SLC7A2: variants seen among roughly 807,000 people sequenced by gnomAD.
The protein encoded by SLC7A2 is cationic amino acid transporter 2.
Under a neutral mutation model 58.9 loss-of-function variants are expected in SLC7A2, and 48 were observed. The observed-to-expected ratio is 0.82, with a 90% CI of 0.65 to 1.04. SLC7A2 has a LOEUF of 1.04. SLC7A2 is among the 50% of genes least tolerant of loss of function. SLC7A2 has a pLI of 0.00. For missense variants in SLC7A2, 1,029 were observed against 818.8 expected (o/e 1.26, Z -3.13); for synonymous variants, 363 against 314.5 (o/e 1.15, Z -1.63).
At chr8:17,496,209 C>T (rs1295286635), upstream of SLC7A2, among the ~76,000 whole-genome samples, 1 of 152,104 alleles carries the variant, frequency 6.6e-6, no homozygotes, top group East Asian at 1.9e-4. Context: ...TAGTTGTCAG[C>T]ACTTTGGGAG....
At chr8:17,511,692 C>T (rs11992105) in intron 2 of SLC7A2, among the ~76,000 whole-genome samples, 5,792 of 152,244 alleles carry the variant, frequency 0.038, 378 homozygotes, top group African/African-American at 0.13. Context: ...CTGAAGGTGA[C>T]GTTTTTCAAG....
chr8:17,501,094 A>G (rs564521637), intron 1 of SLC7A2, among the ~76,000 whole-genome samples: 1 of 151,688 alleles, frequency 6.6e-6, no homozygotes, highest in Admixed American at 6.6e-5. Flanking sequence ...GCTCACTGCA[A>G]CTTTCACCTC....
At chr8:17,542,861 C>T (rs1801974311) in intron 2 of SLC7A2, among the ~76,000 whole-genome samples, 1 of 152,054 alleles carries the variant, frequency 6.6e-6, no homozygotes, top group Admixed American at 6.6e-5. Context: ...ACTCCGGAGG[C>T]TGAGGTGGGA....
At chr8:17,510,227 AC>A (rs1371354554) in intron 2 of SLC7A2, among the ~76,000 whole-genome samples, 1 of 133,004 alleles carries the variant, frequency 7.5e-6, no homozygotes, top group Non-Finnish European at 1.7e-5. Flanking sequence ...CTCAAAATAA[AC>A]AAATAATAAT....
At position 17,541,154 on chromosome 8, in the gene SLC7A2, A is replaced by C. The variant is rs564910083; in HGVS notation, c.-22-2164A>C. 2.0e-5 allele frequency among the ~76,000 whole-genome samples: 3 copies of C among 152,292 alleles called. No individual in the cohort carries two copies. The South Asian group carries it at 6.2e-4, about 32-fold the overall frequency. On this transcript the variant is annotated intron_variant, in intron 2 of 12. Coordinates refer to ENST00000494857, the MANE Select transcript of SLC7A2 (RefSeq NM_001370338.1). The stretch of plus-strand genomic sequence containing the variant: ...TGATCTTTGTACATCTCTGTATAAA[A>C]ATGCTTAAATATTACAGAAGCTCAG...
intron 9 of SLC7A2, among the ~76,000 whole-genome samples, 198 bp downstream of exon 9, chr8:17,558,595 G>A (rs773983604): frequency 3.3e-5 from 5 of 152,194 alleles, no homozygotes; most frequent in African/African-American, 7.2e-5. Context: ...TTGACCATGA[G>A]TGATAGGTTG....
chr8:17,513,037 A>G (rs1306279595), intron 2 of SLC7A2, among the ~76,000 whole-genome samples: 1 of 152,184 alleles, frequency 6.6e-6, no homozygotes, highest in African/African-American at 2.4e-5. Flanking sequence ...CCATTTCTCC[A>G]TGATAGACAC....
intron 2 of SLC7A2, among the ~76,000 whole-genome samples, chr8:17,503,856 G>T (rs1800264558): frequency 6.6e-6 from 1 of 152,162 alleles, no homozygotes; most frequent in East Asian, 1.9e-4. Flanking sequence ...TAATTCAGTT[G>T]TGATTTAAGC....
At chr8:17,496,794 T>G (rs1356152999), upstream of SLC7A2, among the ~76,000 whole-genome samples, 1 of 152,180 alleles carries the variant, frequency 6.6e-6, no homozygotes, top group African/African-American at 2.4e-5. Context: ...CCTTGAGGTT[T>G]GGTCCTCCCA....
chr8:17,544,521 T>TG lies in SLC7A2; in HGVS notation c.447_448insG (p.Leu150ValfsTer43). The TG allele has an allele frequency of 6.2e-7, 1 of 1,614,090 alleles. No individual in the cohort carries two copies. The highest frequency in any genetic ancestry group is 1.7e-5 in the Admixed American group (1 of 60,024). On this transcript the variant is annotated frameshift_variant, in exon 4 of 13. Coordinates refer to ENST00000494857, the MANE Select transcript of SLC7A2 (RefSeq NM_001370338.1). LOFTEE classifies it high-confidence loss of function. The stretch of plus-strand genomic sequence containing the variant: ...TTCTTAGCAAACAGATTGGTCAGTT[T>TG]TTGAGGACATACTTCAGAATGAATT...
intron 8 of SLC7A2, 82 bp downstream of exon 8, chr8:17,554,781 TTTTC>T: frequency 6.8e-7 from 1 of 1,472,192 alleles, no homozygotes; most frequent in South Asian, 1.4e-5. Flanking sequence ...AGCTAGGTGG[TTTTC>T]TTTTTTGATT....
At chr8:17,542,736 TC>T in intron 2 of SLC7A2, among the ~76,000 whole-genome samples, 1 of 152,154 alleles carries the variant, frequency 6.6e-6, no homozygotes, top group Non-Finnish European at 1.5e-5. Context: ...TTCACTCCTT[TC>T]CTTGTAGTGA....
rs550304959 is a variant in SLC7A2, at chr8:17,544,089, C to T, written c.377-362C>T. Among the ~76,000 whole-genome samples, 26 of 152,230 alleles carry T rather than the reference C, an allele frequency of 1.7e-4. 1 individual carries two copies. The East Asian group carries it at 3.5e-3, about 20-fold the overall frequency. Reference sequence around the variant, plus strand: ...TTCACCATGTTGACCAAGCTGGTCTCGAACTCCTGACCTCAGGTGATCCAC... The same window carrying T: ...TTCACCATGTTGACCAAGCTGGTCTTGAACTCCTGACCTCAGGTGATCCAC... On this transcript the variant is annotated intron_variant, in intron 3 of 12. Coordinates refer to ENST00000494857, the MANE Select transcript of SLC7A2 (RefSeq NM_001370338.1).
Position 17,562,103 on chromosome 8 carries a change from C to G in SLC7A2, c.1664C>G (p.Ala555Gly). The G allele has an allele frequency of 6.2e-7, 1 of 1,608,912 alleles. No homozygotes were observed. Among genetic ancestry groups the G allele is most frequent in the African/African-American group, 1.3e-5 (1 of 74,282 alleles). ...CAGCCCCAGAATCAGCAAAAAGTAG[C>G]CTTCATGGTATGTGTAATGAGGATT... is the stretch of plus-strand genomic sequence containing the variant. ...WRQPQNQQKV[A>G]FMVPFLPFLP... The change falls in exon 11 of 13, where the codon GCC (alanine) becomes GGC (glycine). Residue 555 changes from alanine to glycine, a missense_variant. Transcript: ENST00000494857.
At chr8:17,516,449 C>G (rs1800808059) in intron 2 of SLC7A2, among the ~76,000 whole-genome samples, 3 of 152,142 alleles carry the variant, frequency 2.0e-5, no homozygotes, top group Non-Finnish European at 4.4e-5. Flanking sequence ...TTGTCAAGCT[C>G]CTGACCTCAG....
chr8:17,506,417 T>C (rs1800365581), intron 2 of SLC7A2, among the ~76,000 whole-genome samples: 1 of 152,188 alleles, frequency 6.6e-6, no homozygotes. Flanking sequence ...GGTAGTTGGT[T>C]TTGTATTTTA....
intron 2 of SLC7A2, among the ~76,000 whole-genome samples, chr8:17,517,947 C>G (rs543366534): frequency 1.3e-5 from 2 of 151,998 alleles, no homozygotes; most frequent in African/African-American, 2.4e-5. Context: ...AGCTCTGTGA[C>G]TTTGAAAAGT....
intron 2 of SLC7A2, among the ~76,000 whole-genome samples, chr8:17,534,955 C>T (rs372746097): frequency 3.3e-5 from 5 of 152,104 alleles, no homozygotes; most frequent in South Asian, 2.1e-4. Context: ...TTTACCCCAC[C>T]GCCCTTCCCC....
At chr8:17,494,590 T>C (rs1463163817), upstream of SLC7A2, among the ~76,000 whole-genome samples, 1 of 152,188 alleles carries the variant, frequency 6.6e-6, no homozygotes, top group Non-Finnish European at 1.5e-5. Flanking sequence ...CAAAAGAGCT[T>C]AACCTGTTTC....
Sources: gnomAD v4.1 joint callset for allele counts (sites outside exome capture counted in the v4.1 genomes callset) on GRCh38, gnomAD v4.1.1 for gene constraint, MANE v1.5 for transcripts, NCBI Gene and HGNC (gene_info 2026-07-23, HGNC 2026-07-21) for gene names.